TBL1X: variants seen among roughly 807,000 people sequenced by gnomAD.
TBL1X encodes the protein F-box-like/WD repeat-containing protein TBL1X.
Under a neutral mutation model 50.7 loss-of-function variants are expected in TBL1X, and 10 were observed. The observed-to-expected ratio is 0.20, with a 90% CI of 0.12 to 0.33. TBL1X has a LOEUF of 0.33. Ranked by LOEUF, TBL1X falls within the 10% of genes least tolerant of loss-of-function variation. The pLI is 1.00. For missense variants in TBL1X, 340 were observed against 504.4 expected (o/e 0.67, Z 3.12); for synonymous variants, 190 against 214.7 (o/e 0.88, Z 1.01).
chrX:9,603,677 G>A (rs2082568084), intron 2 of TBL1X, among the ~76,000 whole-genome samples: 1 of 111,691 alleles, frequency 9.0e-6, no homozygotes, highest in African/African-American at 3.3e-5. Flanking sequence ...GTTGGTGGTG[G>A]TTTGTTTCCT....
At chrX:9,645,566 C>T (rs762774912) in intron 3 of TBL1X, among the ~76,000 whole-genome samples, 45 of 111,723 alleles carry the variant, frequency 4.0e-4, no homozygotes, top group African/African-American at 1.0e-3. Context: ...CGTCACTGCT[C>T]GGCATTGGAA....
At chrX:9,590,430 G>A (rs965377600) in intron 2 of TBL1X, among the ~76,000 whole-genome samples, 9 of 111,071 alleles carry the variant, frequency 8.1e-5, no homozygotes, top group African/African-American at 2.9e-4. Flanking sequence ...AGAGAAAAAA[G>A]GAGCCATTTA....
intron 1 of TBL1X, among the ~76,000 whole-genome samples, chrX:9,493,591 A>G (rs2081957821): frequency 9.0e-6 from 1 of 110,519 alleles, no homozygotes; most frequent in African/African-American, 3.3e-5. Flanking sequence ...GTGACATTCC[A>G]TCTCTACTAA....
In TBL1X at chrX:9,711,783, T is replaced by A; in HGVS notation, c.1605+7T>A. On this transcript the variant is annotated splice_region_variant and intron_variant, in intron 16 of 17. Transcript: ENST00000645353. ...CCATATCTGGAATACTCAGGTAAGC[T>A]CCCGACCCCTACACCAAATCCTTTT... 1 of 1,180,316 alleles carries A rather than the reference T, an allele frequency of 8.5e-7. No homozygotes were observed. Among genetic ancestry groups the A allele is most frequent in the Non-Finnish European group, 1.1e-6 (1 of 877,836 alleles).
At chrX:9,533,031 G>A (rs1330786240) in intron 2 of TBL1X, among the ~76,000 whole-genome samples, 1 of 111,810 alleles carries the variant, frequency 8.9e-6, no homozygotes, top group African/African-American at 3.3e-5. Flanking sequence ...TCTTCTGGAA[G>A]TGATGAAAGT....
At chrX:9,665,191 T>G (rs2082920094) in intron 5 of TBL1X, among the ~76,000 whole-genome samples, 1 of 108,321 alleles carries the variant, frequency 9.2e-6, no homozygotes, top group African/African-American at 3.4e-5. Flanking sequence ...TTTGCAGGTA[T>G]TTTTTCCCTT....
chrX:9,617,322 G>A (rs1022909182), intron 2 of TBL1X, among the ~76,000 whole-genome samples: 1 of 111,511 alleles, frequency 9.0e-6, no homozygotes, highest in Non-Finnish European at 1.9e-5. Flanking sequence ...CGCTCAGGGA[G>A]CAGAACAGGG....
intron 7 of TBL1X, among the ~76,000 whole-genome samples, chrX:9,689,736 C>T (rs763860107): frequency 7.1e-5 from 8 of 113,039 alleles, no homozygotes; most frequent in Admixed American, 4.6e-4. Context: ...CCCCCTGCCA[C>T]TGCGTGGCTG....
At chrX:9,468,041 T>C (rs1372110574) in intron 1 of TBL1X, among the ~76,000 whole-genome samples, 1 of 112,319 alleles carries the variant, frequency 8.9e-6, no homozygotes, top group East Asian at 2.8e-4. Context: ...ACCGCATGCC[T>C]GAAGGTTGCA....
intron 1 of TBL1X, among the ~76,000 whole-genome samples, chrX:9,482,547 T>C (rs1021456522): frequency 4.5e-5 from 5 of 112,254 alleles, no homozygotes; most frequent in Non-Finnish European, 7.5e-5. Context: ...ACTTAAGTGT[T>C]GTACTAGAAC....
At chrX:9,469,474 C>G (rs949881083) in intron 1 of TBL1X, among the ~76,000 whole-genome samples, 1 of 112,524 alleles carries the variant, frequency 8.9e-6, no homozygotes, top group Admixed American at 9.4e-5. Flanking sequence ...GCCTAACATG[C>G]TTATAGTTTC....
chrX:9,600,472 G>GGC (rs199995483), intron 2 of TBL1X, among the ~76,000 whole-genome samples: 943 of 81,978 alleles, frequency 0.012, 45 homozygotes, highest in African/African-American at 0.043. Context: ...TGGTGGGCGG[G>GGC]GGGGGGGGTA....
chrX:9,713,426 CTTTTT>C (rs1159464236), intron 16 of TBL1X, among the ~76,000 whole-genome samples: 1 of 78,496 alleles, frequency 1.3e-5, no homozygotes. Flanking sequence ...TAGGACTTTT[CTTTTT>C]TTTTTTTTTT....
chrX:9,522,056 C>T (rs183993714), intron 2 of TBL1X, among the ~76,000 whole-genome samples: 191 of 96,191 alleles, frequency 2.0e-3, no homozygotes, highest in African/African-American at 7.1e-3. Context: ...CTCGCTTTGT[C>T]ACCCAGGCTG....
At chrX:9,467,216 C>T (rs766364381) in intron 1 of TBL1X, among the ~76,000 whole-genome samples, 2 of 111,714 alleles carry the variant, frequency 1.8e-5, no homozygotes, top group South Asian at 7.5e-4. Flanking sequence ...CGAACAGAGG[C>T]GGGAAAATGG....
intron 5 of TBL1X, among the ~76,000 whole-genome samples, chrX:9,660,832 A>T (rs1474392552): frequency 8.9e-6 from 1 of 112,225 alleles, no homozygotes; most frequent in Non-Finnish European, 1.9e-5. Flanking sequence ...CATAAGGAGG[A>T]TAGTTGCTAT....
chrX:9,710,414 C>G (rs1191749955), intron 15 of TBL1X, among the ~76,000 whole-genome samples: 2 of 110,189 alleles, frequency 1.8e-5, no homozygotes, highest in South Asian at 3.9e-4. Context: ...ACACATAGGC[C>G]GTAATTCTCA....
intron 1 of TBL1X, among the ~76,000 whole-genome samples, chrX:9,481,924 G>A (rs2081884914): frequency 8.9e-6 from 1 of 112,070 alleles, no homozygotes; most frequent in East Asian, 2.8e-4. Flanking sequence ...AAACACTCGG[G>A]CCAGGTATAG....
intron 2 of TBL1X, among the ~76,000 whole-genome samples, chrX:9,561,476 G>A (rs779478730): frequency 3.6e-5 from 4 of 111,465 alleles, no homozygotes; most frequent in Non-Finnish European, 7.5e-5. Context: ...TCTGAAGAGT[G>A]ACATCTGGGT....
Sources: gnomAD v4.1 joint callset for allele counts (sites outside exome capture counted in the v4.1 genomes callset) on GRCh38, gnomAD v4.1.1 for gene constraint, MANE v1.5 for transcripts, NCBI Gene and HGNC (gene_info 2026-07-23, HGNC 2026-07-21) for gene names.